Variants in RTL4 observed in about 807,000 individuals in gnomAD.
RTL4 encodes retrotransposon Gag like 4.
Under a neutral mutation model 5.3 loss-of-function variants are expected in RTL4, and 4 were observed. That is an observed-to-expected ratio of 0.75 (90% CI 0.37 to 1.72). The LOEUF (loss-of-function observed/expected upper bound fraction) is 1.72. Among genes scored for constraint, RTL4 ranks in the 40% most tolerant of loss-of-function variants. The pLI, the probability that RTL4 is intolerant of heterozygous loss-of-function variation, is 0.04. For missense variants in RTL4, 260 were observed against 227.1 expected (o/e 1.14, Z -0.93); for synonymous variants, 98 against 87.3 (o/e 1.12, Z -0.68).
the RTL4 span, among the ~76,000 whole-genome samples, chrX:112,357,146 C>T: frequency 3.6e-5 from 4 of 110,912 alleles, no homozygotes; most frequent in African/African-American, 6.5e-5. Context: ...TCTATCATTG[C>T]TCTGCTCTTG....
At chrX:112,212,672 G>C in the RTL4 span, among the ~76,000 whole-genome samples, 2 of 112,294 alleles carry the variant, frequency 1.8e-5, no homozygotes, top group Non-Finnish European at 3.8e-5. Flanking sequence ...TCTGAGAGAG[G>C]GTTGCTAATG....
chrX:112,444,470 T>A, the RTL4 span, among the ~76,000 whole-genome samples: 1 of 112,101 alleles, frequency 8.9e-6, no homozygotes, highest in Non-Finnish European at 1.9e-5. Context: ...CTATTTCCAT[T>A]TCTATGAAGA....
At chrX:112,091,944 T>C in the RTL4 span, among the ~76,000 whole-genome samples, 1 of 111,779 alleles carries the variant, frequency 8.9e-6, no homozygotes, top group South Asian at 3.7e-4. Flanking sequence ...GTTTTCTTGA[T>C]TAATTGACCC....
upstream of RTL4, among the ~76,000 whole-genome samples, chrX:112,453,634 G>T: frequency 8.9e-6 from 1 of 111,742 alleles, no homozygotes. Context: ...GGCTAGTCTT[G>T]GGGCACTTAT....
chrX:112,312,765 G>T, the RTL4 span, among the ~76,000 whole-genome samples: 1 of 111,158 alleles, frequency 9.0e-6, no homozygotes, highest in African/African-American at 3.3e-5. Flanking sequence ...TGCATTCTCA[G>T]TATGTTCCAA....
the RTL4 span, among the ~76,000 whole-genome samples, chrX:112,443,014 A>T: frequency 9.0e-6 from 1 of 111,422 alleles, no homozygotes; most frequent in East Asian, 2.8e-4. Context: ...TAACTTATTC[A>T]TTTATTCTAA....
exon 1 of RTL4, chrX:112,455,719 C>A: frequency 9.5e-7 from 1 of 1,053,658 alleles, no homozygotes; most frequent in Non-Finnish European, 1.3e-6. Context: ...GATTTATAAC[C>A]TGCATTAACT....
chrX:112,452,257 ATT>A (rs760522980), upstream of RTL4, among the ~76,000 whole-genome samples: 137 of 65,424 alleles, frequency 2.1e-3, no homozygotes, highest in Middle Eastern at 9.8e-3. Flanking sequence ...CGCGCAGCTA[ATT>A]TTTTTTTTTT....
chrX:112,123,674 TG>T, the RTL4 span, among the ~76,000 whole-genome samples: 3 of 112,152 alleles, frequency 2.7e-5, no homozygotes, highest in African/African-American at 9.7e-5. Context: ...TTGGACTGTA[TG>T]TCTGTTTTGG....
chrX:112,222,772 G>GA, the RTL4 span, among the ~76,000 whole-genome samples: 201 of 111,963 alleles, frequency 1.8e-3, 1 homozygote, highest in Non-Finnish European at 3.1e-3. Flanking sequence ...CATTCGTAAG[G>GA]ATCCAGTCAA....
chrX:112,322,850 G>A, the RTL4 span, among the ~76,000 whole-genome samples: 3 of 110,803 alleles, frequency 2.7e-5, no homozygotes, highest in African/African-American at 6.6e-5. Flanking sequence ...AAATATCTTC[G>A]GCCATCTAGG....
the RTL4 span, among the ~76,000 whole-genome samples, chrX:112,244,011 T>C: frequency 2.7e-5 from 3 of 112,151 alleles, no homozygotes; most frequent in Non-Finnish European, 5.6e-5. Context: ...TGGTTTTGAG[T>C]GAATTTCTTA....
At chrX:112,200,237 T>C in the RTL4 span, among the ~76,000 whole-genome samples, 1 of 112,030 alleles carries the variant, frequency 8.9e-6, no homozygotes, top group Non-Finnish European at 1.9e-5. Flanking sequence ...ACACAGACTG[T>C]CCGTGCCAAC....
the RTL4 span, among the ~76,000 whole-genome samples, chrX:112,164,758 C>A: frequency 3.6e-5 from 4 of 112,442 alleles, no homozygotes; most frequent in Middle Eastern, 4.6e-3. Flanking sequence ...GGCTTCCCAT[C>A]TGTTTCCTTA....
the RTL4 span, among the ~76,000 whole-genome samples, chrX:112,106,712 C>A: frequency 5.4e-5 from 6 of 111,750 alleles, no homozygotes; most frequent in East Asian, 1.7e-3. Context: ...AGCCCTCTAA[C>A]TGCAGTGAAA....
chrX:112,278,773 A>T, the RTL4 span, among the ~76,000 whole-genome samples: 1 of 111,255 alleles, frequency 9.0e-6, no homozygotes, highest in Admixed American at 9.6e-5. Flanking sequence ...AGAAACAGTT[A>T]AAGGCAATGT....
chrX:112,301,373 T>C, the RTL4 span, among the ~76,000 whole-genome samples: 1 of 112,384 alleles, frequency 8.9e-6, no homozygotes, highest in Non-Finnish European at 1.9e-5. Context: ...TGTTTAAAGG[T>C]TAACCGAAAT....
chrX:112,266,528 T>C, the RTL4 span, among the ~76,000 whole-genome samples: 1 of 111,198 alleles, frequency 9.0e-6, no homozygotes, highest in South Asian at 3.9e-4. Context: ...TGAGGTTGGA[T>C]AGGATATTTC....
At chrX:112,377,144 T>C in the RTL4 span, among the ~76,000 whole-genome samples, 1 of 111,658 alleles carries the variant, frequency 9.0e-6, no homozygotes, top group African/African-American at 3.3e-5. Flanking sequence ...GAAACTTATT[T>C]CATTATACCT....
Sources: allele counts gnomAD v4.1 joint callset (sites outside exome capture counted in the v4.1 genomes callset), GRCh38; gene constraint gnomAD v4.1.1; transcripts MANE v1.5; gene names NCBI Gene and HGNC (gene_info 2026-07-23, HGNC 2026-07-21).